Variants in NTRK2 observed in about 807,000 individuals in gnomAD.
NTRK2 encodes neurotrophic receptor tyrosine kinase 2, also known as BDNF/NT-3 growth factors receptor.
In NTRK2, 13 loss-of-function variants were observed where a neutral mutation model predicts 94.5. That is an observed-to-expected ratio of 0.14 (90% CI 0.09 to 0.22). The LOEUF (loss-of-function observed/expected upper bound fraction) is 0.22, where lower values mean the gene tolerates loss of function less well. Ranked by LOEUF, NTRK2 falls within the 10% of genes least tolerant of loss-of-function variation. The pLI is 1.00. For missense variants in NTRK2, 639 were observed against 1,071.2 expected, an observed-to-expected ratio of 0.60 and a Z score of 5.63; for synonymous variants, 372 against 407.4, an observed-to-expected ratio of 0.91 and a Z score of 1.05.
chr9:84,875,407 G>A, intron 14 of NTRK2: 1 of 1,061,882 alleles, frequency 9.4e-7, no homozygotes, highest in Non-Finnish European at 1.1e-6. Flanking sequence ...GAAAGACTCA[G>A]GAAATGAGAG....
intron 17 of NTRK2, among the ~76,000 whole-genome samples, chr9:85,012,031 C>T (rs1271072852): frequency 1.6e-5 from 2 of 124,490 alleles, no homozygotes; most frequent in African/African-American, 2.9e-5. Context: ...CTCTGTCACC[C>T]AGGCTGGAGT....
intron 14 of NTRK2, among the ~76,000 whole-genome samples, chr9:84,903,542 T>C (rs2076992215): frequency 6.6e-6 from 1 of 152,210 alleles, no homozygotes. Flanking sequence ...TTAATCTCAA[T>C]GCATCATGTT....
intron 11 of NTRK2, among the ~76,000 whole-genome samples, chr9:84,750,051 C>T (rs1055383901): frequency 1.3e-5 from 2 of 152,120 alleles, no homozygotes; most frequent in Non-Finnish European, 2.9e-5. Context: ...TTCTTTATGA[C>T]AGAGATAAAG....
chr9:84,875,624 A>G, intron 14 of NTRK2: 1 of 1,060,592 alleles, frequency 9.4e-7, no homozygotes. Context: ...CCTGATGTTT[A>G]GGGATGCCTT....
Position 84,792,735 on chromosome 9 carries a change from A to G in NTRK2, c.1396+40650A>G, listed in dbSNP as rs7875533. On this transcript the variant is annotated intron_variant, in intron 12 of 18. Transcript: ENST00000277120. ...TCAACACAGTTTTAAGGCAAATATA[A>G]TAATCACCATTTAAAAATAAGAATA... 2.9e-3 allele frequency among the ~76,000 whole-genome samples: 449 copies of G among 152,318 alleles called. 3 individuals are homozygous for G. The highest frequency in any genetic ancestry group is 0.011 in the African/African-American group (438 of 41,570).
intron 4 of NTRK2, among the ~76,000 whole-genome samples, chr9:84,703,775 C>T (rs557844355): frequency 9.2e-5 from 14 of 152,268 alleles, no homozygotes; most frequent in African/African-American, 3.1e-4. Context: ...TGTGATAAAA[C>T]TCCAGGGAAC....
intron 17 of NTRK2, among the ~76,000 whole-genome samples, chr9:84,960,279 C>T (rs900199205): frequency 2.6e-5 from 4 of 152,048 alleles, no homozygotes; most frequent in Non-Finnish European, 4.4e-5. Flanking sequence ...TAGCAAGTGG[C>T]CAGATGAACA....
chr9:84,915,553 C>A (rs2132527494), intron 14 of NTRK2, among the ~76,000 whole-genome samples: 2 of 152,272 alleles, frequency 1.3e-5, no homozygotes, highest in Middle Eastern at 6.8e-3. Flanking sequence ...GAGGCCCTCT[C>A]CAGAAGCAGA....
chr9:84,977,970 T>C (rs762797970), intron 17 of NTRK2, among the ~76,000 whole-genome samples: 14 of 152,208 alleles, frequency 9.2e-5, no homozygotes, highest in Non-Finnish European at 1.3e-4. Flanking sequence ...TATATCCATG[T>C]AAGACAGTGA....
intron 12 of NTRK2, among the ~76,000 whole-genome samples, chr9:84,764,151 G>A (rs899508403): frequency 6.6e-6 from 1 of 152,156 alleles, no homozygotes; most frequent in Non-Finnish European, 1.5e-5. Context: ...TACACTATCA[G>A]TGGAAGTTGG....
rs148075600 is a variant in NTRK2, at chr9:84,961,202, C to G, written c.2172+5685C>G. Reference sequence around the variant, plus strand: ...ATTCAATTTACAGGGCAAATCAGTTCCTTCCTAAAAGAGGGATGTCCTCTG... The same window carrying G: ...ATTCAATTTACAGGGCAAATCAGTTGCTTCCTAAAAGAGGGATGTCCTCTG... On this transcript the variant is annotated intron_variant, in intron 17 of 18. Coordinates refer to ENST00000277120, the MANE Select transcript of NTRK2 (RefSeq NM_006180.6). Among the ~76,000 whole-genome samples, 1,501 of 152,256 alleles carry G rather than the reference C, an allele frequency of 9.9e-3. 13 individuals carry two copies. Among genetic ancestry groups the G allele is most frequent in the South Asian group, 0.028 (133 of 4,828 alleles).
chr9:84,901,910 C>G (rs551728728), intron 14 of NTRK2, among the ~76,000 whole-genome samples: 1 of 152,146 alleles, frequency 6.6e-6, no homozygotes, highest in South Asian at 2.1e-4. Flanking sequence ...TGAAGACTAT[C>G]ATCAGGCTGG....
chr9:84,800,327 C>T (rs995079408), intron 12 of NTRK2, among the ~76,000 whole-genome samples: 9 of 152,086 alleles, frequency 5.9e-5, no homozygotes, highest in South Asian at 2.1e-4. Context: ...CCTCAGTCTC[C>T]GGAGTAGCTG....
intron 14 of NTRK2, among the ~76,000 whole-genome samples, chr9:84,890,277 C>A (rs1421909884): frequency 6.6e-6 from 1 of 152,150 alleles, no homozygotes; most frequent in Non-Finnish European, 1.5e-5. Context: ...TGGGTGACAG[C>A]AGGTCCATGG....
chr9:84,794,962 G>T (rs559053874), intron 12 of NTRK2, among the ~76,000 whole-genome samples: 42 of 152,130 alleles, frequency 2.8e-4, no homozygotes, highest in Non-Finnish European at 4.4e-4. Context: ...CTCCTCCCTA[G>T]CCTGGGACTT....
Position 85,022,522 on chromosome 9 carries a change from A to G in NTRK2, c.*1085A>G. ...GAACTTGGAAAAGATAAGACAAGCT[A>G]TAAATTCGGAGGCAAGTTTCTTTTA... On this transcript the variant is annotated 3_prime_UTR_variant, in exon 19 of 19. Transcript: ENST00000277120. The G allele has an allele frequency of 4.3e-6, 1 of 233,206 alleles. No individual in the cohort carries two copies. Among genetic ancestry groups the G allele is most frequent in the Non-Finnish European group, 8.5e-6 (1 of 117,994 alleles). The allele number at this position is 233,206 out of a possible 1,614,324, so 14.4% of individuals were successfully genotyped here.
At chr9:84,692,468 C>CTTTTTTTTTTTTTTTTTTTTTT (rs71369138) in intron 2 of NTRK2, among the ~76,000 whole-genome samples, 77 of 87,650 alleles carry the variant, frequency 8.8e-4, no homozygotes, top group Non-Finnish European at 1.1e-3. Context: ...TTCTTTTTTT[C>CTTTTTTTTTTTTTTTTTTTTTT]TTTTTTTTTT....
chr9:84,837,210 T>C (rs1039595617), intron 12 of NTRK2, among the ~76,000 whole-genome samples: 4 of 152,268 alleles, frequency 2.6e-5, no homozygotes, highest in African/African-American at 9.6e-5. Flanking sequence ...CCTATTGTTA[T>C]TCTTATTTTA....
chr9:84,749,925 C>G (rs1018562852), intron 11 of NTRK2, among the ~76,000 whole-genome samples: 1 of 152,200 alleles, frequency 6.6e-6, no homozygotes, highest in African/African-American at 2.4e-5. Context: ...GGACTTAAAA[C>G]AACAAAGTTT....
Sources: allele counts gnomAD v4.1 joint callset (sites outside exome capture counted in the v4.1 genomes callset), GRCh38; gene constraint gnomAD v4.1.1; transcripts MANE v1.5; gene names NCBI Gene and HGNC (gene_info 2026-07-23, HGNC 2026-07-21).